The following BCAS3 variants were observed in gnomAD, a reference collection of about 807,000 sequenced individuals.
BCAS3 encodes BCAS3 microtubule associated cell migration factor.
BCAS3 carries 53 observed loss-of-function variants against 116.1 expected under a neutral mutation model. That is an observed-to-expected ratio of 0.46 (90% CI 0.37 to 0.57). The LOEUF is 0.57. Among genes scored for constraint, BCAS3 ranks in the 20% least tolerant of loss-of-function variants. The probability of loss-of-function intolerance (pLI) is 0.00; values close to 1 mark genes in which losing one functional copy is unlikely to be tolerated. For synonymous variants in BCAS3, 391 were observed against 408.2 expected (o/e 0.96, Z 0.51); for missense variants, 917 against 1,165.4 (o/e 0.79, Z 3.10).
intron 22 of BCAS3, among the ~76,000 whole-genome samples, chr17:61,253,026 T>C (rs996390101): frequency 4.6e-5 from 7 of 151,570 alleles, no homozygotes; most frequent in Non-Finnish European, 1.0e-4. Flanking sequence ...ATCACAGGCA[T>C]GTGCTACCAT....
rs1415412053 is a variant in BCAS3 at position 61,324,679 on chromosome 17, T to C, written c.2426-43648T>C. The stretch of plus-strand genomic sequence containing the variant: ...TTGACCTTGGCTGAGTCATTTCCTC[T>C]CCCTCATCTCATTTGCCTTGTTTAT... On this transcript the variant is annotated intron_variant, in intron 22 of 23. Coordinates refer to ENST00000407086, the MANE Select transcript of BCAS3 (RefSeq NM_017679.5). This position sits in a 1 kb window ranked among gnomAD's most constrained non-coding sequence, Gnocchi z 4.6. Among the ~76,000 whole-genome samples the C allele has an allele frequency of 1.3e-5, 2 of 152,234 alleles. No homozygotes were observed. The highest frequency in any genetic ancestry group is 1.9e-4 in the East Asian group (1 of 5,180).
chr17:60,711,452 G>A (rs1748534156), intron 5 of BCAS3, among the ~76,000 whole-genome samples: 1 of 149,208 alleles, frequency 6.7e-6, no homozygotes, highest in South Asian at 2.1e-4. Context: ...TCATTATGCT[G>A]TTTGTTGACA....
At chr17:60,803,004 T>C (rs2047954464) in intron 6 of BCAS3, among the ~76,000 whole-genome samples, 1 of 152,170 alleles carries the variant, frequency 6.6e-6, no homozygotes, top group African/African-American at 2.4e-5. Flanking sequence ...TATTTTAGTC[T>C]TTCCTCTTGG....
At position 61,241,065 on chromosome 17, in the gene BCAS3, A is replaced by G. The variant is rs1017090; in HGVS notation, c.2426-127262A>G. Among the ~76,000 whole-genome samples, 144,568 of 152,286 alleles carry G rather than the reference A, an allele frequency of 0.95. 68,703 individuals carry two copies. Among genetic ancestry groups the G allele is most frequent in the Non-Finnish European group, 0.96 (65,339 of 68,036 alleles). On this transcript the variant is annotated intron_variant, in intron 22 of 23. Transcript: ENST00000407086. The surrounding 1 kb of genome is among the most constrained non-coding windows in gnomAD (Gnocchi z 4.6). ...TCCGCCCCCTCAGTTCTCACTCTCC[A>G]TCACTTACCCTTCAAAAGACTCTGA...
chr17:61,041,272 T>G lies in BCAS3; in HGVS notation c.2029+380T>G, dbSNP rs1450622486. Among the ~76,000 whole-genome samples, 1 of 151,946 alleles carries G rather than the reference T, an allele frequency of 6.6e-6. No individual in the cohort carries two copies. The highest frequency in any genetic ancestry group is 1.5e-5 in the Non-Finnish European group (1 of 67,980). Reference sequence around the variant, plus strand: ...AAAAAACCCCAAAACTTAGCACAGTTAAAAGTGCAACTATGAAAACAATGC... The same window carrying G: ...AAAAAACCCCAAAACTTAGCACAGTGAAAAGTGCAACTATGAAAACAATGC... On this transcript the variant is annotated intron_variant, in intron 19 of 23. Coordinates refer to ENST00000407086, the MANE Select transcript of BCAS3 (RefSeq NM_017679.5). The surrounding 1 kb of genome is among the most constrained non-coding windows in gnomAD (Gnocchi z 4.7).
Position 60,948,297 on chromosome 17 carries a change from C to T in BCAS3, c.1221+945C>T, listed in dbSNP as rs541631594. Among the ~76,000 whole-genome samples, 6 of 151,888 alleles carry T rather than the reference C, an allele frequency of 4.0e-5. No homozygotes were observed. The South Asian group carries it at 6.3e-4, about 16-fold the overall frequency. ...CTAATTTTTGCATTTTTAGTAGAGA[C>T]GGTGTTTCACCATATTGGCCAGGCT... On this transcript the variant is annotated intron_variant, in intron 14 of 23. Coordinates refer to ENST00000407086, the MANE Select transcript of BCAS3 (RefSeq NM_017679.5).
chr17:61,353,984 C>T (rs924314283), intron 22 of BCAS3: 1 of 152,238 alleles, frequency 6.6e-6, no homozygotes, highest in Non-Finnish European at 1.5e-5. Context: ...CAGAGAAGTC[C>T]CTGTGAGACG....
chr17:60,901,896 C>A (rs1450134615), intron 10 of BCAS3, among the ~76,000 whole-genome samples: 1 of 152,154 alleles, frequency 6.6e-6, no homozygotes, highest in East Asian at 1.9e-4. Context: ...TGGCTAATGA[C>A]ATTTTTTGCT....
intron 14 of BCAS3, among the ~76,000 whole-genome samples, chr17:60,947,962 A>C (rs4968525): frequency 1.3e-5 from 2 of 152,182 alleles, no homozygotes; most frequent in African/African-American, 4.8e-5. Context: ...GCTAGATTTT[A>C]AACATTTACC....
intron 7 of BCAS3, among the ~76,000 whole-genome samples, chr17:60,863,735 T>TAAAACA (rs1409352842): frequency 1.3e-5 from 2 of 151,966 alleles, no homozygotes; most frequent in East Asian, 3.9e-4. Context: ...GCCCTGTATC[T>TAAAACA]AAAACAAAAA....
At chr17:60,693,800 G>T (rs1326646069) in intron 4 of BCAS3, among the ~76,000 whole-genome samples, 1 of 148,518 alleles carries the variant, frequency 6.7e-6, no homozygotes, top group Non-Finnish European at 1.5e-5. Context: ...GCAAGTAATT[G>T]TTTTAAGTAA....
At chr17:60,799,536 T>G (rs940717613) in intron 6 of BCAS3, among the ~76,000 whole-genome samples, 4 of 135,660 alleles carry the variant, frequency 2.9e-5, no homozygotes, top group Non-Finnish European at 6.2e-5. Flanking sequence ...TTTTTTTTTT[T>G]TTTTTTTTTG....
At chr17:60,780,198 C>G (rs2045684410) in intron 6 of BCAS3, among the ~76,000 whole-genome samples, 1 of 151,568 alleles carries the variant, frequency 6.6e-6, no homozygotes. Flanking sequence ...CTATATTGGC[C>G]AAGCTGGTCT....
rs1211494272 is a variant in BCAS3, at chr17:61,339,351, G to A, written c.2426-28976G>A. On this transcript the variant is annotated intron_variant, in intron 22 of 23. Transcript: ENST00000407086. This position sits in a 1 kb window ranked among gnomAD's most constrained non-coding sequence, Gnocchi z 4.4. ...TGGCTCCCTTGGATCCAGGGGATAA[G>A]GATACAATGGGAAGGCCCATGAAGC... Among the ~76,000 whole-genome samples, 1 of 152,236 alleles carries A rather than the reference G, an allele frequency of 6.6e-6. No homozygotes were observed. The highest frequency in any genetic ancestry group is 2.4e-5 in the African/African-American group (1 of 41,464).
chr17:61,105,658 C>G lies in BCAS3; in HGVS notation c.2425+21094C>G, dbSNP rs2143693596. On this transcript the variant is annotated intron_variant, in intron 22 of 23. Coordinates refer to ENST00000407086, the MANE Select transcript of BCAS3 (RefSeq NM_017679.5). The surrounding 1 kb of genome is among the most constrained non-coding windows in gnomAD (Gnocchi z 4.3). Reference sequence around the variant, plus strand: ...GTCAGGCTGGTCTCGAACTCCCCACCTCAGGTGATCCACCTGCCTCGGCCT... The same window carrying G: ...GTCAGGCTGGTCTCGAACTCCCCACGTCAGGTGATCCACCTGCCTCGGCCT... Among the ~76,000 whole-genome samples, 1 of 152,202 alleles carries G rather than the reference C, an allele frequency of 6.6e-6. No homozygotes were observed. Among genetic ancestry groups the G allele is most frequent in the South Asian group, 2.1e-4 (1 of 4,818 alleles).
At position 61,013,200 on chromosome 17, in the gene BCAS3, C is replaced by A. The variant is rs1375823303; in HGVS notation, c.1487-2551C>A. ...TATCTTTGGTTCTTGGCAATTAGCACTTAATGATTCCTGTTTGTGCCTGTT... is the reference window on the plus strand; with the variant it reads ...TATCTTTGGTTCTTGGCAATTAGCAATTAATGATTCCTGTTTGTGCCTGTT... On this transcript the variant is annotated intron_variant, in intron 15 of 23. Transcript: ENST00000407086. This position sits in a 1 kb window ranked among gnomAD's most constrained non-coding sequence, Gnocchi z 4.4. Among the ~76,000 whole-genome samples the A allele has an allele frequency of 1.3e-5, 2 of 152,074 alleles. No homozygotes were observed. Among genetic ancestry groups the A allele is most frequent in the African/African-American group, 4.8e-5 (2 of 41,434 alleles).
At chr17:60,949,464 T>C (rs1024486040) in intron 14 of BCAS3, among the ~76,000 whole-genome samples, 2 of 151,918 alleles carry the variant, frequency 1.3e-5, no homozygotes, top group Non-Finnish European at 2.9e-5. Context: ...GATGACACTA[T>C]GTTGTCTCAC....
chr17:61,097,987 G>A lies in BCAS3; in HGVS notation c.2425+13423G>A, dbSNP rs550451039. Among the ~76,000 whole-genome samples the A allele has an allele frequency of 6.6e-6, 1 of 152,350 alleles. No homozygotes were observed. The highest frequency in any genetic ancestry group is 6.5e-5 in the Admixed American group (1 of 15,306). On this transcript the variant is annotated intron_variant, in intron 22 of 23. Coordinates refer to ENST00000407086, the MANE Select transcript of BCAS3 (RefSeq NM_017679.5). The surrounding 1 kb of genome is among the most constrained non-coding windows in gnomAD (Gnocchi z 4.0). Reference sequence around the variant, plus strand: ...CAGCTGGCAGATGAAGTTCCAGTGTGATGAATTCCCAGCTTGTCCTTATTG... The same window carrying A: ...CAGCTGGCAGATGAAGTTCCAGTGTAATGAATTCCCAGCTTGTCCTTATTG...
chr17:61,207,122 G>A (rs1224531280), intron 22 of BCAS3, among the ~76,000 whole-genome samples: 1 of 152,096 alleles, frequency 6.6e-6, no homozygotes, highest in Non-Finnish European at 1.5e-5. Context: ...CTCTTGCAGT[G>A]TGCCAAGGAT....
Sources: allele counts gnomAD v4.1 joint callset (sites outside exome capture counted in the v4.1 genomes callset), GRCh38; gene constraint gnomAD v4.1.1; non-coding constraint Gnocchi (gnomAD v3.1); transcripts MANE v1.5; gene names NCBI Gene and HGNC (gene_info 2026-07-23, HGNC 2026-07-21).